The following SIPA1L2 variants were observed in gnomAD, a reference collection of about 807,000 sequenced individuals.
The protein encoded by SIPA1L2 is signal induced proliferation associated 1 like 2.
A neutral mutation model predicts 163.9 loss-of-function variants in SIPA1L2; 56 were observed. The observed-to-expected ratio is 0.34, with a 90% confidence interval of 0.28 to 0.43. The LOEUF is 0.43. SIPA1L2 is among the 20% of genes least tolerant of loss of function. SIPA1L2 has a pLI of 1.00. For missense variants in SIPA1L2, 1,974 were observed against 2,193.5 expected (o/e 0.90, Z 2.00); for synonymous variants, 877 against 865.7 (o/e 1.01, Z -0.23).
At chr1:232,528,243 A>G (rs530031022) in intron 2 of SIPA1L2, among the ~76,000 whole-genome samples, 1 of 152,058 alleles carries the variant, frequency 6.6e-6, no homozygotes, top group African/African-American at 2.4e-5. Context: ...TCCATAAAAA[A>G]TCTCCGAAGA....
At chr1:232,460,562 T>C (rs1483825399) in intron 10 of SIPA1L2, among the ~76,000 whole-genome samples, 1 of 152,138 alleles carries the variant, frequency 6.6e-6, no homozygotes, top group Non-Finnish European at 1.5e-5. Flanking sequence ...TACAGAATTA[T>C]TTCCTCTTAG....
Position 232,464,926 on chromosome 1 carries a change from C to A in SIPA1L2, c.2734G>T (p.Val912Leu). The change falls in exon 9 of 23, where the codon GTG (valine) becomes TTG (leucine). Residue 912 changes from valine to leucine, a missense_variant. Coordinates refer to ENST00000674635, the MANE Select transcript of SIPA1L2 (RefSeq NM_020808.5). ...GWTSGLVSIK[V>L]FYERGECVLL... ...ACACATTCTCCTCTTTCGTAAAACACTTTGATACTCACTAATCCAGATGTC... is the reference window on the plus strand; with the variant it reads ...ACACATTCTCCTCTTTCGTAAAACAATTTGATACTCACTAATCCAGATGTC... 10 of 1,614,232 alleles carry A rather than the reference C, an allele frequency of 6.2e-6. No individual in the cohort carries two copies. Among genetic ancestry groups the A allele is most frequent in the Non-Finnish European group, 8.5e-6 (10 of 1,180,046 alleles).
intron 1 of SIPA1L2, among the ~76,000 whole-genome samples, chr1:232,596,916 G>C (rs1434646079): frequency 6.6e-6 from 1 of 152,186 alleles, no homozygotes; most frequent in Non-Finnish European, 1.5e-5. Context: ...CACCGTGCAG[G>C]CAACATGCCA....
intron 2 of SIPA1L2, among the ~76,000 whole-genome samples, chr1:232,531,167 G>T (rs1656901997): frequency 6.6e-6 from 1 of 152,114 alleles, no homozygotes; most frequent in Non-Finnish European, 1.5e-5. Context: ...CCCCAATTTA[G>T]AGTAAAACTT....
chr1:232,527,857 A>C (rs1667788076), intron 2 of SIPA1L2, among the ~76,000 whole-genome samples: 1 of 147,516 alleles, frequency 6.8e-6, no homozygotes, highest in Admixed American at 6.9e-5. Flanking sequence ...TCACTCTCCC[A>C]AGCAGCTGGT....
At position 232,581,030 on chromosome 1, in the gene SIPA1L2, C is replaced by A. The variant is rs187469143; in HGVS notation, c.-318-6808G>T. ...AACATGCAGAAGATGGAGTCTGCAT[C>A]CTTCCTGACAAATCTCCTCCTCCAC... On this transcript the variant is annotated intron_variant, in intron 1 of 22. Transcript: ENST00000674635. 8.2e-4 allele frequency among the ~76,000 whole-genome samples: 125 copies of A among 152,246 alleles called. 2 individuals are homozygous for A. The highest frequency in any genetic ancestry group is 2.8e-3 in the African/African-American group (118 of 41,548).
rs531688572 is a variant in SIPA1L2, at chr1:232,449,918, T to A, written c.3096-4132A>T. Among the ~76,000 whole-genome samples, 318 of 152,286 alleles carry A rather than the reference T, an allele frequency of 2.1e-3. 2 individuals are homozygous for A. The highest frequency in any genetic ancestry group is 7.3e-3 in the African/African-American group (305 of 41,570). ...ATCCTTGTAAAATTCTGGGTGAAAG[T>A]GATTTCTAACTTGTCAAATCCATAG... On this transcript the variant is annotated intron_variant, in intron 10 of 22. Coordinates refer to ENST00000674635, the MANE Select transcript of SIPA1L2 (RefSeq NM_020808.5).
chr1:232,495,598 T>G (rs1268597715), intron 3 of SIPA1L2, among the ~76,000 whole-genome samples: 2 of 151,862 alleles, frequency 1.3e-5, no homozygotes, highest in African/African-American at 4.8e-5. Context: ...AGGTGAATTA[T>G]TGATATGGTA....
intron 1 of SIPA1L2, among the ~76,000 whole-genome samples, chr1:232,594,587 G>C (rs945083): frequency 0.75 from 114,723 of 152,004 alleles, 44,050 homozygotes; most frequent in East Asian, 0.92. Context: ...AATATCTTGG[G>C]ACCAGTGCTT....
At chr1:232,568,343 G>C (rs1659522637) in intron 2 of SIPA1L2, among the ~76,000 whole-genome samples, 1 of 152,212 alleles carries the variant, frequency 6.6e-6, no homozygotes, top group African/African-American at 2.4e-5. Context: ...AGTTGAATTA[G>C]AAGACAGCCA....
At chr1:232,626,291 C>T (rs984018007) in intron 1 of SIPA1L2, among the ~76,000 whole-genome samples, 4 of 142,622 alleles carry the variant, frequency 2.8e-5, no homozygotes, top group African/African-American at 1.1e-4. Context: ...AACAACATGA[C>T]GAGACAATCT....
At chr1:232,626,892 G>A (rs1663105495) in intron 1 of SIPA1L2, among the ~76,000 whole-genome samples, 1 of 152,268 alleles carries the variant, frequency 6.6e-6, no homozygotes, top group East Asian at 1.9e-4. Context: ...GTGACAGGTG[G>A]TAGAGGCAGG....
chr1:232,421,931 A>T (rs1661599854), intron 18 of SIPA1L2, among the ~76,000 whole-genome samples: 1 of 152,138 alleles, frequency 6.6e-6, no homozygotes. Flanking sequence ...CAGAGTTTTG[A>T]TCTCCGTTCC....
chr1:232,420,563 T>C (rs190886572), intron 18 of SIPA1L2, among the ~76,000 whole-genome samples: 59 of 151,998 alleles, frequency 3.9e-4, no homozygotes, highest in Admixed American at 9.2e-4. Context: ...TGGCTGGGCG[T>C]GGTGGCTCAT....
At position 232,515,026 on chromosome 1, in the gene SIPA1L2, G is replaced by T. The variant is rs1573012218; in HGVS notation, c.314C>A (p.Thr105Asn). Residue 105 changes from threonine (T) to asparagine (N), a missense_variant, in exon 3 of 23, where the codon ACC becomes AAC. Coordinates refer to ENST00000674635, the MANE Select transcript of SIPA1L2 (RefSeq NM_020808.5). ...CKALWESRSQ[T>N]SYESITSVLQ... ...GACAGAAGTGATGCTTTCATAACTG[G>T]TCTGAGACCGGCTTTCCCACAGTGC... is the stretch of plus-strand genomic sequence containing the variant. 2 of 1,614,128 alleles carry T rather than the reference G, an allele frequency of 1.2e-6. No homozygotes were observed. Among genetic ancestry groups the T allele is most frequent in the East Asian group, 4.5e-5 (2 of 44,876 alleles).
chr1:232,533,386 G>T (rs944989496), intron 2 of SIPA1L2, among the ~76,000 whole-genome samples: 1 of 152,208 alleles, frequency 6.6e-6, no homozygotes, highest in Admixed American at 6.5e-5. Flanking sequence ...ACCCAGTGAT[G>T]ATGTTTAAGA....
At chr1:232,503,928 G>A (rs112471588) in intron 3 of SIPA1L2, among the ~76,000 whole-genome samples, 3 of 152,090 alleles carry the variant, frequency 2.0e-5, no homozygotes, top group African/African-American at 7.2e-5. Context: ...TAGTGGCTCC[G>A]GCCTATAATC....
At chr1:232,572,722 C>CATATAT (rs1558277366) in intron 2 of SIPA1L2, among the ~76,000 whole-genome samples, 1 of 88,390 alleles carries the variant, frequency 1.1e-5, no homozygotes, top group African/African-American at 4.0e-5. Flanking sequence ...TATATACACA[C>CATATAT]ATATATACAT....
chr1:232,406,775 T>C (rs1369782576), intron 19 of SIPA1L2, among the ~76,000 whole-genome samples: 1 of 150,522 alleles, frequency 6.6e-6, no homozygotes, highest in East Asian at 2.6e-4. Flanking sequence ...GGGTGAGGAA[T>C]AGAACGATAG....
Sources: gnomAD v4.1 joint callset for allele counts (sites outside exome capture counted in the v4.1 genomes callset) on GRCh38, gnomAD v4.1.1 for gene constraint, MANE v1.5 for transcripts, NCBI Gene and HGNC (gene_info 2026-07-23, HGNC 2026-07-21) for gene names.